The following COL24A1 variants were observed in gnomAD, a reference collection of about 807,000 sequenced individuals.
COL24A1 encodes collagen type XXIV alpha 1 chain.
COL24A1 carries 224 observed loss-of-function variants against 253.9 expected under a neutral mutation model. The ratio of observed to expected loss-of-function variants is 0.88; its 90% CI spans 0.79 to 0.99. The LOEUF (loss-of-function observed/expected upper bound fraction) is 0.99, where lower values mean the gene tolerates loss of function less well. Ranked by LOEUF, COL24A1 falls within the 50% of genes least tolerant of loss-of-function variation. The pLI is 0.00. For missense variants in COL24A1, 2,131 were observed against 2,068.5 expected (o/e 1.03, Z -0.59); for synonymous variants, 685 against 673.7 (o/e 1.02, Z -0.26).
intron 47 of COL24A1, among the ~76,000 whole-genome samples, chr1:85,786,879 C>T (rs557785717): frequency 6.6e-6 from 1 of 152,196 alleles, no homozygotes; most frequent in South Asian, 2.1e-4. Flanking sequence ...AGAAAATTTG[C>T]TAAAAATTGT....
At chr1:85,827,949 C>A (rs949977895) in intron 43 of COL24A1, among the ~76,000 whole-genome samples, 1 of 151,862 alleles carries the variant, frequency 6.6e-6, no homozygotes, top group African/African-American at 2.4e-5. Flanking sequence ...TTAGTTATTT[C>A]TTGCCTTCTG....
intron 2 of COL24A1, among the ~76,000 whole-genome samples, chr1:86,144,188 C>T (rs1046174959): frequency 6.6e-6 from 1 of 151,870 alleles, no homozygotes; most frequent in Admixed American, 6.6e-5. Flanking sequence ...AATTATGATG[C>T]TTGCCCTGAA....
rs144372198 is a variant in COL24A1 at position 85,756,311 on chromosome 1, C to T, written c.4437+5085G>A. ...GAGGGCACCTGTAATCCCAGCTACT[C>T]AGGAGGCTGAGGCAGGAGAATCACT... is the stretch of plus-strand genomic sequence containing the variant. On this transcript the variant is annotated intron_variant, in intron 55 of 59. Transcript: ENST00000370571. Among the ~76,000 whole-genome samples the T allele has an allele frequency of 9.3e-3, 1,411 of 151,888 alleles. 57 individuals are homozygous for T. Among genetic ancestry groups the T allele is most frequent in the Admixed American group, 0.062 (951 of 15,242 alleles).
chr1:85,915,852 C>T (rs1035275766), intron 24 of COL24A1, among the ~76,000 whole-genome samples: 1 of 152,084 alleles, frequency 6.6e-6, no homozygotes, highest in African/African-American at 2.4e-5. Flanking sequence ...TGGGGTTTCA[C>T]CATGTTGGCC....
intron 37 of COL24A1, among the ~76,000 whole-genome samples, chr1:85,850,049 A>G (rs992149838): frequency 2.0e-5 from 3 of 152,128 alleles, no homozygotes; most frequent in African/African-American, 4.8e-5. Context: ...GAGAAAAAGG[A>G]GGTAATCATA....
At chr1:85,875,222 T>C (rs1285546291) in intron 34 of COL24A1, 55 bp downstream of exon 34, 2 of 1,443,382 alleles carry the variant, frequency 1.4e-6, no homozygotes, top group African/African-American at 2.8e-5. Flanking sequence ...GTAGCAAATG[T>C]AGGGGGTTCA....
chr1:85,888,193 C>T (rs986344609), intron 32 of COL24A1, among the ~76,000 whole-genome samples: 2 of 151,988 alleles, frequency 1.3e-5, no homozygotes, highest in Non-Finnish European at 2.9e-5. Context: ...TAAAAAAGGT[C>T]CTGCCATTTT....
At chr1:85,872,769 T>C (rs1199606682) in intron 35 of COL24A1, among the ~76,000 whole-genome samples, 2 of 152,180 alleles carry the variant, frequency 1.3e-5, no homozygotes, top group African/African-American at 2.4e-5. Flanking sequence ...ATTCAGGACA[T>C]AGGCATGGGC....
At chr1:86,097,669 T>TCCCC (rs1704112485) in intron 5 of COL24A1, among the ~76,000 whole-genome samples, 1 of 145,642 alleles carries the variant, frequency 6.9e-6, no homozygotes, top group South Asian at 2.3e-4. Flanking sequence ...CCCCTTCTCC[T>TCCCC]CCTCCTCCTC....
intron 24 of COL24A1, among the ~76,000 whole-genome samples, chr1:85,941,975 T>C (rs1383184307): frequency 6.6e-6 from 1 of 152,176 alleles, no homozygotes; most frequent in East Asian, 1.9e-4. Context: ...TAGATGCTGG[T>C]TTCTAAATTA....
chr1:86,009,936 T>C (rs1234740263), intron 19 of COL24A1, among the ~76,000 whole-genome samples: 11 of 151,928 alleles, frequency 7.2e-5, no homozygotes, highest in Non-Finnish European at 1.0e-4. Context: ...ATAGGTAGCA[T>C]AGTTTAAAAT....
At chr1:85,939,076 T>C (rs1688495731) in intron 24 of COL24A1, among the ~76,000 whole-genome samples, 1 of 152,106 alleles carries the variant, frequency 6.6e-6, no homozygotes, top group South Asian at 2.1e-4. Flanking sequence ...TTTCTCTAAC[T>C]GTGGAACTCA....
chr1:85,802,904 T>C (rs1671587926), intron 47 of COL24A1, among the ~76,000 whole-genome samples: 1 of 152,242 alleles, frequency 6.6e-6, no homozygotes, highest in East Asian at 1.9e-4. Flanking sequence ...TATATAATTC[T>C]TTTTCACTGA....
intron 3 of COL24A1, among the ~76,000 whole-genome samples, chr1:86,116,851 CCTAA>C (rs998472025): frequency 6.6e-6 from 1 of 152,016 alleles, no homozygotes; most frequent in African/African-American, 2.4e-5. Context: ...CTATTCAGCC[CCTAA>C]CTGAGGGCAT....
At chr1:85,779,040 CTGTT>C (rs943037022) in intron 52 of COL24A1, among the ~76,000 whole-genome samples, 2 of 151,950 alleles carry the variant, frequency 1.3e-5, no homozygotes, top group African/African-American at 4.8e-5. Context: ...GGGTCTCACT[CTGTT>C]TGCGCAGGCT....
Position 86,125,968 on chromosome 1 carries a change from A to C in COL24A1, c.368T>G (p.Phe123Cys), listed in dbSNP as rs1184390627. ...CAGTCTATTTTTATTTCTAATGCTG[A>C]AGAGAAATGCATTGTTCACCCGATG... is the stretch of plus-strand genomic sequence containing the variant. Reference protein sequence around the residue: ...QSHRVNNAFLFSIRNKNRLQL... With the variant: ...QSHRVNNAFLCSIRNKNRLQL... The change falls in exon 3 of 60, where the codon TTC becomes TGC. Residue 123 changes from phenylalanine (F) to cysteine (C), a missense_variant. Physicochemically the swap from Phe to Cys is radical, Grantham distance 205. Coordinates refer to ENST00000370571, the MANE Select transcript of COL24A1 (RefSeq NM_152890.7). The C allele has an allele frequency of 6.2e-7, 1 of 1,613,558 alleles. No homozygotes were observed. Among genetic ancestry groups the C allele is most frequent in the Non-Finnish European group, 8.5e-7 (1 of 1,179,798 alleles).
intron 28 of COL24A1, among the ~76,000 whole-genome samples, chr1:85,905,781 CAG>C (rs2102882788): frequency 6.6e-6 from 1 of 152,164 alleles, no homozygotes; most frequent in South Asian, 2.1e-4. Flanking sequence ...CTTAATGAGA[CAG>C]CACAAAGTGG....
Position 85,823,742 on chromosome 1 carries a change from G to T in COL24A1, c.3682-4C>A, listed in dbSNP as rs1673906050. The T allele has an allele frequency of 4.3e-6, 7 of 1,613,012 alleles. No individual in the cohort carries two copies. Among genetic ancestry groups the T allele is most frequent in the Admixed American group, 1.7e-5 (1 of 59,970 alleles). Reference sequence around the variant, plus strand: ...GTCCTGGTACACCCACATGGCCCTAGAAATAGAAAAGATTACATTATTAGA... The same window carrying T: ...GTCCTGGTACACCCACATGGCCCTATAAATAGAAAAGATTACATTATTAGA... On this transcript the variant is annotated splice_polypyrimidine_tract_variant and splice_region_variant and intron_variant, in intron 43 of 59. Coordinates refer to ENST00000370571, the MANE Select transcript of COL24A1 (RefSeq NM_152890.7).
chr1:85,745,537 A>G (rs773705386), intron 55 of COL24A1, 31 bp from the exon 56 acceptor site: 2 of 1,551,002 alleles, frequency 1.3e-6, no homozygotes, highest in South Asian at 1.1e-5. Flanking sequence ...TGAGATTAGC[A>G]ATAAGATCAA....
Sources: gnomAD v4.1 joint callset for allele counts (sites outside exome capture counted in the v4.1 genomes callset) on GRCh38, gnomAD v4.1.1 for gene constraint, MANE v1.5 for transcripts, NCBI Gene and HGNC (gene_info 2026-07-23, HGNC 2026-07-21) for gene names.